Variants in RNF13 observed in about 807,000 individuals in gnomAD.
RNF13 encodes the protein ring finger protein 13, also known as E3 ubiquitin-protein ligase RNF13.
RNF13 carries 19 observed loss-of-function variants against 37.7 expected under a neutral mutation model. That is an observed-to-expected ratio of 0.50 (90% CI 0.35 to 0.74). The LOEUF (loss-of-function observed/expected upper bound fraction) is 0.74, where lower values mean the gene tolerates loss of function less well. RNF13 is among the 30% of genes least tolerant of loss of function. The pLI is 0.01. For missense variants in RNF13, 375 were observed against 453.0 expected (o/e 0.83, Z 1.56); for synonymous variants, 144 against 157.8 (o/e 0.91, Z 0.65).
Position 149,872,045 on chromosome 3 carries a change from C to T in RNF13, c.212C>T (p.Ser71Leu). The T allele has an allele frequency of 6.3e-7, 1 of 1,594,894 alleles. No individual in the cohort carries two copies. Among genetic ancestry groups the T allele is most frequent in the Non-Finnish European group, 8.5e-7 (1 of 1,174,720 alleles). Residue 71 changes from serine to leucine, a missense_variant, in exon 4 of 10, where the codon TCA becomes TTA. By Grantham distance (145) the Ser-to-Leu change is moderately radical. Coordinates refer to ENST00000392894, the MANE Select transcript of RNF13 (RefSeq NM_183381.3). The stretch of plus-strand genomic sequence containing the variant: ...CTTTTTCAGGGTTTTTTGATTAACT[C>T]AAAACCAGAGAATGCCTGTGAACCC... ...AEGLKGFLINSKPENACEPIV... is the reference protein window; with the variant it reads ...AEGLKGFLINLKPENACEPIV...
chr3:149,924,397 G>C (rs879089012), intron 8 of RNF13, among the ~76,000 whole-genome samples: 2 of 152,286 alleles, frequency 1.3e-5, no homozygotes, highest in South Asian at 4.1e-4. Flanking sequence ...TACAGAGAGA[G>C]AGAATACCAA....
intron 7 of RNF13, among the ~76,000 whole-genome samples, chr3:149,913,602 T>C (rs1184583676): frequency 6.6e-6 from 1 of 152,214 alleles, no homozygotes; most frequent in Middle Eastern, 3.2e-3. Flanking sequence ...TATCCTGTCT[T>C]CCCTCTGGTC....
intron 8 of RNF13, among the ~76,000 whole-genome samples, chr3:149,929,358 A>G (rs1315978440): frequency 6.6e-6 from 1 of 152,050 alleles, no homozygotes; most frequent in Non-Finnish European, 1.5e-5. Flanking sequence ...GCGTGGGGGA[A>G]ACTGCCCCCA....
rs3028508 is a variant in RNF13 at position 149,879,307 on chromosome 3, A to ATTT, written c.321+7169_321+7171dup. ...TCATTAAAGACCTTGTTATCAGGTA[A>ATTT]TTTTTTTTTTTTTTTTTTGAGACAG... is the stretch of plus-strand genomic sequence containing the variant. On this transcript the variant is annotated intron_variant, in intron 4 of 9. Coordinates refer to ENST00000392894, the MANE Select transcript of RNF13 (RefSeq NM_183381.3). Among the ~76,000 whole-genome samples, 153 of 137,398 alleles carry ATTT rather than the reference A, an allele frequency of 1.1e-3. 1 individual carries two copies. Among genetic ancestry groups the ATTT allele is most frequent in the African/African-American group, 2.4e-3 (88 of 36,762 alleles). 90.1% of individuals were successfully genotyped at this position (137,398 alleles called of 152,430 possible).
intron 8 of RNF13, chr3:149,939,080 C>A: frequency 2.0e-6 from 1 of 500,262 alleles, no homozygotes; most frequent in Non-Finnish European, 3.9e-6. Context: ...GAACTGCTTG[C>A]ATTTTAATGT....
At chr3:149,924,421 C>T (rs1326266800) in intron 8 of RNF13, among the ~76,000 whole-genome samples, 1 of 152,142 alleles carries the variant, frequency 6.6e-6, no homozygotes, top group African/African-American at 2.4e-5. Flanking sequence ...CACCGTGGGG[C>T]ATTCCATCAT....
intron 1 of RNF13, among the ~76,000 whole-genome samples, chr3:149,821,834 A>G (rs1720022890): frequency 6.6e-6 from 1 of 152,140 alleles, no homozygotes. Flanking sequence ...ATTGTTGTAT[A>G]TGGTATAAAT....
At chr3:149,903,681 G>A (rs73157005) in intron 6 of RNF13, among the ~76,000 whole-genome samples, 19,797 of 151,988 alleles carry the variant, frequency 0.13, 1,720 homozygotes, top group Non-Finnish European at 0.19. Context: ...ATATATTGTG[G>A]CATTGAAAAA....
At chr3:149,944,013 C>T (rs150916942) in intron 8 of RNF13, among the ~76,000 whole-genome samples, 84 of 152,192 alleles carry the variant, frequency 5.5e-4, no homozygotes, top group African/African-American at 1.9e-3. Flanking sequence ...TTCCTACGTC[C>T]CAGTGTTCTC....
At chr3:149,859,565 A>G (rs896435848) in intron 3 of RNF13, among the ~76,000 whole-genome samples, 1 of 152,042 alleles carries the variant, frequency 6.6e-6, no homozygotes, top group African/African-American at 2.4e-5. Context: ...CACTCCCTTC[A>G]TTTTCTCATT....
rs1402740462 is a variant in RNF13 at position 149,869,140 on chromosome 3, AT to A, written c.196-2884del. On this transcript the variant is annotated intron_variant, in intron 3 of 9. Coordinates refer to ENST00000392894, the MANE Select transcript of RNF13 (RefSeq NM_183381.3). Reference sequence around the variant, plus strand: ...TTCTGATGTTGAGAGCCTTTAATGAATTTTTCAGGTCAGCAGATGTATTTCT... The same window carrying A: ...TTCTGATGTTGAGAGCCTTTAATGAATTTTCAGGTCAGCAGATGTATTTCT... 2.0e-5 allele frequency among the ~76,000 whole-genome samples: 3 copies of A among 151,240 alleles called. No homozygotes were observed. In the East Asian group the frequency reaches 5.8e-4, roughly 29 times the overall value.
chr3:149,839,350 T>C (rs1721942768), intron 1 of RNF13, among the ~76,000 whole-genome samples: 1 of 83,130 alleles, frequency 1.2e-5, no homozygotes, highest in Admixed American at 1.5e-4. Flanking sequence ...GGTATCTTAA[T>C]AGCAGTACCC....
chr3:149,840,936 C>T (rs1394650335), intron 1 of RNF13, among the ~76,000 whole-genome samples: 1 of 152,206 alleles, frequency 6.6e-6, no homozygotes, highest in East Asian at 1.9e-4. Flanking sequence ...TGTGTATCAC[C>T]TCAGCATACA....
At chr3:149,890,782 T>A (rs1454760739) in intron 4 of RNF13, among the ~76,000 whole-genome samples, 1 of 152,180 alleles carries the variant, frequency 6.6e-6, no homozygotes, top group Non-Finnish European at 1.5e-5. Flanking sequence ...TCTTCCCATA[T>A]GAAAAAATAT....
At chr3:149,867,307 C>G (rs1711501182) in intron 3 of RNF13, among the ~76,000 whole-genome samples, 2 of 151,802 alleles carry the variant, frequency 1.3e-5, no homozygotes, top group Admixed American at 1.3e-4. Context: ...GCTCTGTCAC[C>G]CAGGCTGGAG....
intron 8 of RNF13, among the ~76,000 whole-genome samples, chr3:149,938,138 G>GTT (rs1719885514): frequency 1.3e-5 from 2 of 151,168 alleles, no homozygotes; most frequent in African/African-American, 2.4e-5. Flanking sequence ...ATTAAATATT[G>GTT]TTATATATAT....
intron 1 of RNF13, chr3:149,822,396 T>C (rs1225574998): frequency 6.6e-6 from 1 of 152,148 alleles, no homozygotes; most frequent in Middle Eastern, 3.2e-3. Flanking sequence ...CTATTATACA[T>C]GGAAGTTTTT....
chr3:149,900,508 A>AT (rs1715715788), intron 5 of RNF13, among the ~76,000 whole-genome samples: 1 of 152,104 alleles, frequency 6.6e-6, no homozygotes, highest in Admixed American at 6.5e-5. Context: ...CAGGAGTTAC[A>AT]GGCTGTAGTA....
intron 4 of RNF13, among the ~76,000 whole-genome samples, chr3:149,872,989 CA>C (rs1185663688): frequency 2.0e-5 from 3 of 152,090 alleles, no homozygotes. Context: ...ATGTTAGTTC[CA>C]AATATAGACT....
Sources: gnomAD v4.1 joint callset for allele counts (sites outside exome capture counted in the v4.1 genomes callset) on GRCh38, gnomAD v4.1.1 for gene constraint, MANE v1.5 for transcripts, NCBI Gene and HGNC (gene_info 2026-07-23, HGNC 2026-07-21) for gene names.